The following VAT1L variants were observed in gnomAD, a reference collection of about 807,000 sequenced individuals.
The protein encoded by VAT1L is putative NADPH-dependent quinone oxidoreductase VAT1L.
In VAT1L, 34 loss-of-function variants were observed where a neutral mutation model predicts 44.1. The observed-to-expected ratio is 0.77, with a 90% CI of 0.59 to 1.03. The LOEUF (loss-of-function observed/expected upper bound fraction) is 1.03. Among genes scored for constraint, VAT1L ranks in the 50% least tolerant of loss-of-function variants. VAT1L has a pLI of 0.00. For synonymous variants in VAT1L, 253 were observed against 202.2 expected (o/e 1.25, Z -2.13); for missense variants, 615 against 538.8 (o/e 1.14, Z -1.40).
chr16:77,950,801 C>T (rs961679395), intron 7 of VAT1L, among the ~76,000 whole-genome samples: 4 of 152,158 alleles, frequency 2.6e-5, no homozygotes, highest in Admixed American at 6.5e-5. Context: ...GCTGTTTCTA[C>T]TGGCAAACAT....
chr16:77,962,739 A>AGGAAG (rs1567523609), intron 7 of VAT1L, among the ~76,000 whole-genome samples: 1 of 129,328 alleles, frequency 7.7e-6, no homozygotes, highest in Non-Finnish European at 1.6e-5. Flanking sequence ...AAAGAAGGAA[A>AGGAAG]GAAGGAAGGA....
At chr16:77,888,665 G>T (rs1316439169) in intron 7 of VAT1L, among the ~76,000 whole-genome samples, 1 of 152,188 alleles carries the variant, frequency 6.6e-6, no homozygotes, top group Non-Finnish European at 1.5e-5. Context: ...CTGTAGAATG[G>T]TGAGCAGCAT....
intron 8 of VAT1L, among the ~76,000 whole-genome samples, chr16:77,974,028 T>C (rs1442368457): frequency 2.0e-5 from 3 of 152,192 alleles, no homozygotes; most frequent in African/African-American, 7.2e-5. Flanking sequence ...GGAGTGTGTA[T>C]TTTTAAAAGT....
At chr16:77,814,244 C>T (rs577139325) in intron 1 of VAT1L, among the ~76,000 whole-genome samples, 6 of 152,246 alleles carry the variant, frequency 3.9e-5, no homozygotes, top group South Asian at 2.1e-4. Context: ...ATCCAACACT[C>T]GGGAGTACTC....
At chr16:77,806,370 C>T (rs1324011747) in intron 1 of VAT1L, among the ~76,000 whole-genome samples, 4 of 152,156 alleles carry the variant, frequency 2.6e-5, no homozygotes, top group East Asian at 1.9e-4. Context: ...CCACCACGCC[C>T]GGCCAAGTTT....
intron 1 of VAT1L, among the ~76,000 whole-genome samples, chr16:77,809,569 G>A (rs1056611349): frequency 3.9e-5 from 6 of 152,104 alleles, no homozygotes; most frequent in Non-Finnish European, 2.9e-5. Context: ...CAGAGCTGGG[G>A]CCAGGATGTG....
intron 7 of VAT1L, among the ~76,000 whole-genome samples, chr16:77,931,784 T>C (rs944715778): frequency 1.3e-5 from 2 of 152,238 alleles, no homozygotes; most frequent in African/African-American, 4.8e-5. Flanking sequence ...TACTAAATGC[T>C]AGCACATGCT....
intron 3 of VAT1L, among the ~76,000 whole-genome samples, chr16:77,836,079 T>G (rs571642367): frequency 2.8e-4 from 42 of 152,262 alleles, no homozygotes; most frequent in Non-Finnish European, 5.7e-4. Flanking sequence ...GTATTACTTG[T>G]GAACTTGGGG....
intron 4 of VAT1L, among the ~76,000 whole-genome samples, chr16:77,875,469 T>C (rs993584109): frequency 6.6e-6 from 1 of 152,230 alleles, no homozygotes; most frequent in African/African-American, 2.4e-5. Flanking sequence ...AGCAGGGATC[T>C]GCCAGAATAG....
intron 7 of VAT1L, among the ~76,000 whole-genome samples, chr16:77,928,891 A>C (rs1423710635): frequency 2.0e-5 from 3 of 152,068 alleles, no homozygotes; most frequent in Non-Finnish European, 4.4e-5. Flanking sequence ...ATCTCAGCTC[A>C]CTGCAACCTC....
intron 8 of VAT1L, among the ~76,000 whole-genome samples, chr16:77,972,832 T>G (rs1459345151): frequency 6.7e-6 from 1 of 149,790 alleles, no homozygotes; most frequent in Non-Finnish European, 1.5e-5. Flanking sequence ...AAAATATAAA[T>G]AAAAATATAA....
intron 7 of VAT1L, among the ~76,000 whole-genome samples, chr16:77,923,342 C>G (rs1018739468): frequency 6.6e-6 from 1 of 151,366 alleles, no homozygotes; most frequent in Non-Finnish European, 1.5e-5. Flanking sequence ...CCCAGCTACT[C>G]AGGAGGCTGA....
At chr16:77,834,250 T>C (rs1021741144) in intron 3 of VAT1L, among the ~76,000 whole-genome samples, 5 of 152,196 alleles carry the variant, frequency 3.3e-5, no homozygotes, top group Non-Finnish European at 5.9e-5. Context: ...ACTTCAGTAA[T>C]ACCGAAGGAC....
chr16:77,886,309 G>C (rs763906416), intron 7 of VAT1L, among the ~76,000 whole-genome samples: 2 of 152,164 alleles, frequency 1.3e-5, no homozygotes, highest in African/African-American at 4.8e-5. Flanking sequence ...CAGGGAAAGG[G>C]CTGGGCTACC....
intron 3 of VAT1L, among the ~76,000 whole-genome samples, chr16:77,851,456 C>A (rs1227913027): frequency 6.6e-6 from 1 of 152,096 alleles, no homozygotes; most frequent in Admixed American, 6.6e-5. Context: ...CGAGACCAGC[C>A]TGGGCAACAT....
intron 3 of VAT1L, among the ~76,000 whole-genome samples, chr16:77,850,540 G>A (rs1453206304): frequency 6.6e-6 from 1 of 151,960 alleles, no homozygotes; most frequent in Non-Finnish European, 1.5e-5. Context: ...TTGATCAAGG[G>A]GAATTAATAA....
chr16:77,919,974 C>G (rs180835207), intron 7 of VAT1L, among the ~76,000 whole-genome samples: 90 of 152,136 alleles, frequency 5.9e-4, no homozygotes, highest in African/African-American at 2.0e-3. Flanking sequence ...ATCCCAGCCT[C>G]TTGAGAGTCT....
chr16:77,808,126 A>G (rs1293754352), intron 1 of VAT1L, among the ~76,000 whole-genome samples: 3 of 151,982 alleles, frequency 2.0e-5, no homozygotes, highest in Admixed American at 6.5e-5. Context: ...CTTCGTCTCT[A>G]TTTAGAGCCA....
At chr16:77,913,362 C>A (rs1017561118) in intron 7 of VAT1L, among the ~76,000 whole-genome samples, 6 of 151,606 alleles carry the variant, frequency 4.0e-5, no homozygotes, top group Admixed American at 3.3e-4. Flanking sequence ...GTCTCTAATT[C>A]TTTCCTTCTA....
Sources: gnomAD v4.1 joint callset for allele counts (sites outside exome capture counted in the v4.1 genomes callset) on GRCh38, gnomAD v4.1.1 for gene constraint, MANE v1.5 for transcripts, NCBI Gene and HGNC (gene_info 2026-07-23, HGNC 2026-07-21) for gene names.